PTBP2: variants seen among roughly 807,000 people sequenced by gnomAD.
The protein encoded by PTBP2 is polypyrimidine tract-binding protein 2.
In PTBP2, 13 loss-of-function variants were observed where a neutral mutation model predicts 61.4. The ratio of observed to expected loss-of-function variants is 0.21; its 90% CI spans 0.14 to 0.34. The LOEUF (loss-of-function observed/expected upper bound fraction) is 0.34, where lower values mean the gene tolerates loss of function less well. PTBP2 is among the 10% of genes least tolerant of loss of function. The probability of loss-of-function intolerance (pLI) is 1.00; values close to 1 mark genes in which losing one functional copy is unlikely to be tolerated. For synonymous variants in PTBP2, 215 were observed against 218.5 expected (o/e 0.98, Z 0.14); for missense variants, 405 against 642.6 (o/e 0.63, Z 4.00).
At chr1:96,728,375 T>C (rs1236058910) in intron 2 of PTBP2, among the ~76,000 whole-genome samples, 2 of 152,352 alleles carry the variant, frequency 1.3e-5, no homozygotes, top group East Asian at 3.9e-4. Flanking sequence ...TGGTACAAAG[T>C]GTGGGTCAGA....
chr1:96,807,524 A>C (rs1323018597), intron 11 of PTBP2, among the ~76,000 whole-genome samples: 1 of 152,216 alleles, frequency 6.6e-6, no homozygotes, highest in East Asian at 1.9e-4. Context: ...CGAATACATA[A>C]ATCTAGAACA....
intron 8 of PTBP2, among the ~76,000 whole-genome samples, chr1:96,799,021 A>G (rs1284421790): frequency 1.3e-5 from 2 of 152,192 alleles, no homozygotes; most frequent in Non-Finnish European, 2.9e-5. Context: ...CATAATTTAT[A>G]TCACTTCTCT....
At chr1:96,784,967 T>G in intron 7 of PTBP2, 92 bp from the exon 8 acceptor site, 1 of 1,073,404 alleles carries the variant, frequency 9.3e-7, no homozygotes, top group Non-Finnish European at 1.3e-6. Context: ...TAAGTTCGAG[T>G]TTTTGTTGTT....
chr1:96,785,352 TTG>T (rs1659100238), intron 8 of PTBP2, 98 bp downstream of exon 8: 1 of 952,694 alleles, frequency 1.0e-6, no homozygotes, highest in East Asian at 3.0e-5. Flanking sequence ...CCTTACCAAA[TTG>T]TGTTAGGTTT....
At chr1:96,786,984 C>T (rs1659275590) in intron 8 of PTBP2, among the ~76,000 whole-genome samples, 1 of 152,090 alleles carries the variant, frequency 6.6e-6, no homozygotes, top group African/African-American at 2.4e-5. Flanking sequence ...TTCTTGTGAT[C>T]TTATGACCTT....
At position 96,722,891 on chromosome 1, in the gene PTBP2, G is replaced by A. The variant is rs182761756; in HGVS notation, c.9-673G>A. ...CAGTAATTTAACTCAATGTTAGAAA[G>A]GGGGCACGCTTAAGGTCAAAAATAC... On this transcript the variant is annotated intron_variant, in intron 1 of 13. Coordinates refer to ENST00000674951, the MANE Select transcript of PTBP2 (RefSeq NM_021190.4). Among the ~76,000 whole-genome samples, 401 of 152,288 alleles carry A rather than the reference G, an allele frequency of 2.6e-3. 7 individuals carry two copies. The highest frequency in any genetic ancestry group is 5.1e-4 in the Non-Finnish European group (35 of 68,030).
chr1:96,786,677 C>G (rs1659244013), intron 8 of PTBP2, among the ~76,000 whole-genome samples: 1 of 152,160 alleles, frequency 6.6e-6, no homozygotes, highest in Non-Finnish European at 1.5e-5. Flanking sequence ...AGATACATTA[C>G]TTTGTTAAAA....
At position 96,766,393 on chromosome 1, in the gene PTBP2, C is replaced by G. The variant is rs138135990; in HGVS notation, c.116-3310C>G. 1.7e-3 allele frequency among the ~76,000 whole-genome samples: 258 copies of G among 152,206 alleles called. 1 individual carries two copies. The highest frequency in any genetic ancestry group is 3.4e-3 in the Middle Eastern group (1 of 294). On this transcript the variant is annotated intron_variant, in intron 3 of 13. Coordinates refer to ENST00000674951, the MANE Select transcript of PTBP2 (RefSeq NM_021190.4). ...TTTGAATTATTACTGGTTTTACACG[C>G]CCAAACAAAAGTTCTGGGTTTACTG...
chr1:96,725,301 G>GTTTT (rs34309895), intron 2 of PTBP2, among the ~76,000 whole-genome samples: 2 of 135,850 alleles, frequency 1.5e-5, no homozygotes. Context: ...GGTTACACCA[G>GTTTT]TTTTTTTTTT....
intron 2 of PTBP2, among the ~76,000 whole-genome samples, chr1:96,751,018 G>C (rs1654469838): frequency 6.6e-6 from 1 of 152,032 alleles, no homozygotes; most frequent in Non-Finnish European, 1.5e-5. Context: ...TAACTCACCA[G>C]AATGAAGTTC....
At chr1:96,773,787 A>AC in intron 5 of PTBP2, among the ~76,000 whole-genome samples, 1 of 150,754 alleles carries the variant, frequency 6.6e-6, no homozygotes, top group South Asian at 2.1e-4. Flanking sequence ...CCATGGTGAA[A>AC]CCCCGTCTGT....
intron 2 of PTBP2, among the ~76,000 whole-genome samples, chr1:96,737,001 A>T (rs1652292941): frequency 6.7e-6 from 1 of 149,950 alleles, no homozygotes; most frequent in Non-Finnish European, 1.5e-5. Flanking sequence ...TTTTTTTTAG[A>T]CGGAGTCTCC....
chr1:96,785,279 C>T (rs765951303), intron 8 of PTBP2, 25 bp downstream of exon 8: 4 of 1,499,786 alleles, frequency 2.7e-6, no homozygotes, highest in Non-Finnish European at 1.8e-6. Context: ...GTCTTAACCA[C>T]TTTTCTCCCA....
chr1:96,738,601 A>G (rs1178421984), intron 2 of PTBP2, among the ~76,000 whole-genome samples: 2 of 152,174 alleles, frequency 1.3e-5, no homozygotes, highest in Non-Finnish European at 2.9e-5. Flanking sequence ...AGTCTTTTAT[A>G]ATCTGAATTT....
intron 8 of PTBP2, among the ~76,000 whole-genome samples, chr1:96,788,907 T>C (rs1255717224): frequency 6.6e-6 from 1 of 152,060 alleles, no homozygotes; most frequent in Non-Finnish European, 1.5e-5. Flanking sequence ...ACTGAGTGCT[T>C]TGTAATGAGT....
At chr1:96,809,101 G>A (rs1022937545) in intron 11 of PTBP2, among the ~76,000 whole-genome samples, 1 of 152,126 alleles carries the variant, frequency 6.6e-6, no homozygotes, top group Admixed American at 6.6e-5. Context: ...ATGTATATGT[G>A]TGCCTAGTGA....
At chr1:96,761,078 G>C (rs1416954198) in intron 3 of PTBP2, among the ~76,000 whole-genome samples, 1 of 152,190 alleles carries the variant, frequency 6.6e-6, no homozygotes, top group African/African-American at 2.4e-5. Flanking sequence ...TCCATTTCTT[G>C]AAAGTTTAAG....
rs1284972874 is a variant in PTBP2 at position 96,752,858 on chromosome 1, A to G, written c.115+1358A>G. Reference sequence around the variant, plus strand: ...TGTTTGGAAGTGATGAGCAGACGGTATAAGATCATCCTTGAGAGAAGGGGT... The same window carrying G: ...TGTTTGGAAGTGATGAGCAGACGGTGTAAGATCATCCTTGAGAGAAGGGGT... On this transcript the variant is annotated intron_variant, in intron 3 of 13. Transcript: ENST00000674951. 2.6e-5 allele frequency among the ~76,000 whole-genome samples: 4 copies of G among 152,160 alleles called. No individual in the cohort carries two copies. The East Asian group carries it at 7.7e-4, about 29-fold the overall frequency.
intron 2 of PTBP2, among the ~76,000 whole-genome samples, chr1:96,747,990 T>C (rs1021777903): frequency 6.6e-6 from 1 of 152,138 alleles, no homozygotes; most frequent in African/African-American, 2.4e-5. Context: ...TGCAAGTCTT[T>C]AATAGGTAGG....
Sources: gnomAD v4.1 joint callset for allele counts (sites outside exome capture counted in the v4.1 genomes callset) on GRCh38, gnomAD v4.1.1 for gene constraint, MANE v1.5 for transcripts, NCBI Gene and HGNC (gene_info 2026-07-23, HGNC 2026-07-21) for gene names.